The following KLF15 variants were observed in gnomAD, a reference collection of about 807,000 sequenced individuals.
KLF15 encodes the protein KLF transcription factor 15, also known as Krueppel-like factor 15.
A neutral mutation model predicts 24.6 loss-of-function variants in KLF15; 4 were observed. The ratio of observed to expected loss-of-function variants is 0.16; its 90% CI spans 0.08 to 0.37. KLF15 has a LOEUF of 0.37. Ranked by LOEUF, KLF15 falls within the 10% of genes least tolerant of loss-of-function variation. KLF15 has a pLI of 1.00. For synonymous variants in KLF15, 246 were observed against 236.3 expected (o/e 1.04, Z -0.37); for missense variants, 496 against 560.6 (o/e 0.88, Z 1.16).
At chr3:126,305,168 G>A in the KLF15 span, among the ~76,000 whole-genome samples, 1 of 152,174 alleles carries the variant, frequency 6.6e-6, no homozygotes, top group South Asian at 2.1e-4. Flanking sequence ...ATTGAATCTG[G>A]TCCCTGAAAT....
the KLF15 span, among the ~76,000 whole-genome samples, chr3:126,314,181 A>G: frequency 6.6e-6 from 1 of 152,006 alleles, no homozygotes. Context: ...CCTGCCCAGG[A>G]TTCCTCATGG....
In KLF15 at chr3:126,342,700, C is replaced by T. The variant is rs931166641; in HGVS notation, c.*1027G>A. ...TTTATGAAGGACCAAAGAAAATATA[C>T]GTAATTGTAACATATGTACACCAGC... On this transcript the variant is annotated 3_prime_UTR_variant, in exon 3 of 3. Transcript: ENST00000296233. 4 of 152,474 alleles carry T rather than the reference C, an allele frequency of 2.6e-5. No homozygotes were observed. Among genetic ancestry groups the T allele is most frequent in the South Asian group, 2.1e-4 (1 of 4,820 alleles). 9.4% of individuals were successfully genotyped at this position (152,474 alleles called of 1,614,324 possible). A position where few individuals can be genotyped will look rare whatever the true frequency, so the allele number is the denominator to read the frequency against.
In KLF15 at chr3:126,348,254, G is replaced by A. The variant is rs182545007; in HGVS notation, c.1082+3587C>T. 2.7e-4 allele frequency among the ~76,000 whole-genome samples: 41 copies of A among 152,326 alleles called. 1 individual carries two copies. In the East Asian group the frequency reaches 7.5e-3, roughly 28 times the overall value. On this transcript the variant is annotated intron_variant, in intron 2 of 2. Coordinates refer to ENST00000296233, the MANE Select transcript of KLF15 (RefSeq NM_014079.4). ...CTCTGTGAAATAGGGACAACATGCT[G>A]ATGCCTACTAATTTTGAGAATTACG...
the KLF15 span, among the ~76,000 whole-genome samples, chr3:126,333,011 A>C: frequency 1.4e-5 from 1 of 70,354 alleles, no homozygotes; most frequent in East Asian, 3.3e-4. Flanking sequence ...GATATTATCC[A>C]AGAGAACTTC....
At position 126,352,933 on chromosome 3, in the gene KLF15, C is replaced by T. The variant is rs193117292; in HGVS notation, c.-11G>A. The T allele has an allele frequency of 1.3e-5, 20 of 1,586,564 alleles. No individual in the cohort carries two copies. The highest frequency in any genetic ancestry group is 1.7e-4 in the Middle Eastern group (1 of 5,942). On this transcript the variant is annotated 5_prime_UTR_variant, in exon 2 of 3. Transcript: ENST00000296233. ...TAAGTGGTCCACCATGCTGGCCTGG[C>T]CGTGCCGGTGGCGGCTGCAGGAAAG...
At position 126,343,663 on chromosome 3, in the gene KLF15, G is replaced by A; in HGVS notation, c.*64C>T. On this transcript the variant is annotated 3_prime_UTR_variant, in exon 3 of 3. Transcript: ENST00000296233. ...CTCTGGAGGAGGCAAATAAATTATT[G>A]CTTAAAAAAATGGGGATGGGGTGGG... 1 of 1,498,450 alleles carries A rather than the reference G, an allele frequency of 6.7e-7. No individual in the cohort carries two copies. The highest frequency in any genetic ancestry group is 2.1e-5 in the Admixed American group (1 of 47,306). 92.8% of individuals were successfully genotyped at this position (1,498,450 alleles called of 1,614,324 possible).
chr3:126,352,039 G>T lies in KLF15; in HGVS notation c.884C>A (p.Pro295His). The change falls in exon 2 of 3, where the codon CCC (proline) becomes CAC (histidine). Residue 295 changes from proline (P) to histidine (H), a missense_variant. Pro to His is a moderately conservative substitution (Grantham distance 77). Transcript: ENST00000296233. Reference protein sequence around the residue: ...PIAAKPVGSGPLGPGPAGLLM... With the variant: ...PIAAKPVGSGHLGPGPAGLLM... Reference sequence around the variant, plus strand: ...GAGACCGGCAGGGCCAGGCCCCAGGGGTCCCGATCCAACAGGCTTGGCGGC... The same window carrying T: ...GAGACCGGCAGGGCCAGGCCCCAGGTGTCCCGATCCAACAGGCTTGGCGGC... 1 of 1,531,348 alleles carries T rather than the reference G, an allele frequency of 6.5e-7. No individual in the cohort carries two copies. The highest frequency in any genetic ancestry group is 8.8e-7 in the Non-Finnish European group (1 of 1,137,032). 94.9% of individuals were successfully genotyped at this position (1,531,348 alleles called of 1,614,324 possible). A position where few individuals can be genotyped will look rare whatever the true frequency, so the allele number is the denominator to read the frequency against.
the KLF15 span, among the ~76,000 whole-genome samples, chr3:126,317,786 T>G: frequency 6.6e-6 from 1 of 152,126 alleles, no homozygotes; most frequent in Non-Finnish European, 1.5e-5. Flanking sequence ...CTCCTTTCAT[T>G]CCTGCTCTAA....
the KLF15 span, among the ~76,000 whole-genome samples, chr3:126,302,910 A>G: frequency 1.3e-5 from 2 of 152,094 alleles, no homozygotes; most frequent in African/African-American, 4.8e-5. Flanking sequence ...ATTTATTGAT[A>G]TAGCTAGGTT....
chr3:126,297,571 G>C, the KLF15 span, among the ~76,000 whole-genome samples: 3 of 152,080 alleles, frequency 2.0e-5, no homozygotes, highest in Non-Finnish European at 4.4e-5. Context: ...AGTGTGCACC[G>C]TACCCAGTAT....
the KLF15 span, chr3:126,288,953 T>C: frequency 2.0e-5 from 3 of 152,188 alleles, no homozygotes; most frequent in Admixed American, 1.3e-4. Flanking sequence ...AGAGAAAATA[T>C]ATAGGAATCC....
chr3:126,338,510 C>T (rs1016711222), downstream of KLF15, among the ~76,000 whole-genome samples: 43 of 152,170 alleles, frequency 2.8e-4, 1 homozygote, highest in Non-Finnish European at 5.9e-5. Context: ...TCATTTCATG[C>T]GTAATGCAAA....
chr3:126,347,932 C>T (rs2082548278), intron 2 of KLF15, among the ~76,000 whole-genome samples: 1 of 152,152 alleles, frequency 6.6e-6, no homozygotes, highest in South Asian at 2.1e-4. Flanking sequence ...AGGCCAGAGC[C>T]AGCCTGGGCA....
the KLF15 span, among the ~76,000 whole-genome samples, chr3:126,301,610 CTT>C: frequency 7.6e-6 from 1 of 132,274 alleles, no homozygotes; most frequent in African/African-American, 2.9e-5. Flanking sequence ...TTTTCTTTTT[CTT>C]TTTTTTTTTT....
At chr3:126,342,376 C>T (rs1054851771), downstream of KLF15, among the ~76,000 whole-genome samples, 4 of 152,138 alleles carry the variant, frequency 2.6e-5, no homozygotes, top group Non-Finnish European at 4.4e-5. Context: ...CAGGTGCTGT[C>T]GGAATGTGGG....
chr3:126,331,438 G>A, the KLF15 span, among the ~76,000 whole-genome samples: 8 of 152,140 alleles, frequency 5.3e-5, no homozygotes, highest in Non-Finnish European at 8.8e-5. Flanking sequence ...TTCTTCCCAC[G>A]GTTGAGTATT....
chr3:126,306,073 T>C, the KLF15 span, among the ~76,000 whole-genome samples: 4 of 152,180 alleles, frequency 2.6e-5, no homozygotes, highest in African/African-American at 9.6e-5. Flanking sequence ...TTCTTCTCCA[T>C]GGAACTTCAT....
At chr3:126,308,813 C>T in the KLF15 span, among the ~76,000 whole-genome samples, 6 of 152,208 alleles carry the variant, frequency 3.9e-5, no homozygotes, top group Admixed American at 3.9e-4. Context: ...ACTTCATTCA[C>T]ATGCTGAGAA....
At chr3:126,344,006 GGCTGCGC>G in intron 2 of KLF15, 111 bp from the exon 3 acceptor site, 1 of 1,163,546 alleles carries the variant, frequency 8.6e-7, no homozygotes, top group Non-Finnish European at 1.2e-6. Context: ...CCCAAAGGGT[GGCTGCGC>G]AGACCTGCAG....
Sources: gnomAD v4.1 joint callset for allele counts (sites outside exome capture counted in the v4.1 genomes callset) on GRCh38, gnomAD v4.1.1 for gene constraint, MANE v1.5 for transcripts, NCBI Gene and HGNC (gene_info 2026-07-23, HGNC 2026-07-21) for gene names.